AKAP6: variants seen among roughly 807,000 people sequenced by gnomAD.
AKAP6 encodes the protein A-kinase anchor protein 6.
A neutral mutation model predicts 188.5 loss-of-function variants in AKAP6; 58 were observed. The observed-to-expected ratio is 0.31, with a 90% CI of 0.25 to 0.38. The LOEUF is 0.38. Ranked by LOEUF, AKAP6 falls within the 10% of genes least tolerant of loss-of-function variation. The pLI is 1.00. For missense variants in AKAP6, 2,710 were observed against 2,740.0 expected (o/e 0.99, Z 0.24); for synonymous variants, 989 against 998.6 (o/e 0.99, Z 0.18).
At chr14:32,638,891 A>C (rs1047319562) in intron 7 of AKAP6, among the ~76,000 whole-genome samples, 3 of 152,064 alleles carry the variant, frequency 2.0e-5, no homozygotes, top group African/African-American at 7.2e-5. Flanking sequence ...ATAGACTAAA[A>C]TGAGGGAATG....
intron 9 of AKAP6, among the ~76,000 whole-genome samples, chr14:32,725,064 G>A (rs2030800546): frequency 1.4e-5 from 2 of 139,982 alleles, no homozygotes; most frequent in Admixed American, 7.8e-5. Context: ...TTCAGTGTGG[G>A]TTTTTATTTG....
intron 8 of AKAP6, among the ~76,000 whole-genome samples, chr14:32,686,629 G>A (rs971490025): frequency 2.0e-5 from 3 of 152,034 alleles, no homozygotes; most frequent in Admixed American, 2.0e-4. Flanking sequence ...AAAAGTAGAA[G>A]AGGGATATGT....
At chr14:32,804,947 C>A (rs1399390837) in intron 12 of AKAP6, among the ~76,000 whole-genome samples, 7 of 152,186 alleles carry the variant, frequency 4.6e-5, no homozygotes, top group Non-Finnish European at 1.0e-4. Context: ...CACAGGCAGT[C>A]AGACCTTATG....
At chr14:32,476,432 C>T (rs1408911841) in intron 2 of AKAP6, among the ~76,000 whole-genome samples, 1 of 152,156 alleles carries the variant, frequency 6.6e-6, no homozygotes, top group Admixed American at 6.5e-5. Context: ...CATAAGTAAA[C>T]AGCGAAGTAG....
intron 1 of AKAP6, among the ~76,000 whole-genome samples, chr14:32,395,422 C>T (rs927734396): frequency 1.3e-5 from 2 of 152,114 alleles, no homozygotes; most frequent in Non-Finnish European, 2.9e-5. Flanking sequence ...ACATTGCCGT[C>T]TCACTGGGAT....
chr14:32,605,121 C>T (rs189972778), intron 7 of AKAP6, among the ~76,000 whole-genome samples: 86 of 138,288 alleles, frequency 6.2e-4, no homozygotes, highest in African/African-American at 2.3e-3. Context: ...AATGGACAAG[C>T]CTTCATTTTC....
Position 32,696,068 on chromosome 14 carries a change from C to T in AKAP6, c.2958C>T (p.His986=), listed in dbSNP as rs377686848. 1.2e-4 allele frequency: 192 copies of T among 1,612,814 alleles called. No individual in the cohort carries two copies. The highest frequency in any genetic ancestry group is 3.3e-4 in the Middle Eastern group (2 of 5,980). ...TGGAGTCCCTTGTGATGGACAGCCACGACCTGATGATGTCAGAGGAGCAGC... is the reference window on the plus strand; with the variant it reads ...TGGAGTCCCTTGTGATGGACAGCCATGACCTGATGATGTCAGAGGAGCAGC... ...IDMESLVMDS[H]DLMMSEEQQQ... The change falls in exon 9 of 14, where the codon CAC becomes CAT. Residue 986 remains histidine (H), a synonymous_variant. Transcript: ENST00000280979.
chr14:32,500,893 G>C (rs1471530131), intron 2 of AKAP6, among the ~76,000 whole-genome samples: 1 of 151,920 alleles, frequency 6.6e-6, no homozygotes, highest in Non-Finnish European at 1.5e-5. Flanking sequence ...ACCTTAACTG[G>C]GGCAGGTATG....
At chr14:32,602,296 G>C (rs1047008048) in intron 7 of AKAP6, among the ~76,000 whole-genome samples, 13 of 152,102 alleles carry the variant, frequency 8.5e-5, no homozygotes, top group African/African-American at 2.7e-4. Flanking sequence ...AGGAGTTTGA[G>C]ACCAGCCTGG....
At chr14:32,771,238 T>C (rs1566699773) in intron 11 of AKAP6, among the ~76,000 whole-genome samples, 1 of 151,954 alleles carries the variant, frequency 6.6e-6, no homozygotes, top group Non-Finnish European at 1.5e-5. Context: ...ATGTAAAATT[T>C]CCAATTTTCC....
chr14:32,542,641 AG>A (rs1883010457), intron 3 of AKAP6, among the ~76,000 whole-genome samples: 1 of 152,206 alleles, frequency 6.6e-6, no homozygotes, highest in Non-Finnish European at 1.5e-5. Context: ...CTTTCCAGGC[AG>A]GGCAAGCAGC....
At chr14:32,689,358 T>A (rs186500170) in intron 8 of AKAP6, among the ~76,000 whole-genome samples, 3 of 152,272 alleles carry the variant, frequency 2.0e-5, no homozygotes, top group Non-Finnish European at 4.4e-5. Context: ...TAGGTGTTGG[T>A]GGACAGATGG....
intron 3 of AKAP6, among the ~76,000 whole-genome samples, chr14:32,543,902 C>G (rs1227143001): frequency 6.6e-6 from 1 of 152,026 alleles, no homozygotes; most frequent in Admixed American, 6.6e-5. Context: ...TAGTAATCAA[C>G]CATCATCATT....
At chr14:32,628,550 AAAAG>A (rs1265814831) in intron 7 of AKAP6, among the ~76,000 whole-genome samples, 1 of 152,080 alleles carries the variant, frequency 6.6e-6, no homozygotes, top group Non-Finnish European at 1.5e-5. Context: ...TTTAGGGAAA[AAAAG>A]AAAGGAAGGA....
chr14:32,368,545 CAGG>C (rs1194449400), intron 1 of AKAP6, among the ~76,000 whole-genome samples: 2 of 151,366 alleles, frequency 1.3e-5, no homozygotes, highest in African/African-American at 4.9e-5. Context: ...AGGAATTAGG[CAGG>C]AGATTAGGGG....
At chr14:32,806,540 G>A (rs373385053) in intron 12 of AKAP6, among the ~76,000 whole-genome samples, 5 of 152,080 alleles carry the variant, frequency 3.3e-5, no homozygotes, top group Admixed American at 1.3e-4. Context: ...AACCAGGGGC[G>A]CTGGTGTGTG....
chr14:32,738,673 A>G (rs1309528688), intron 11 of AKAP6, among the ~76,000 whole-genome samples: 1 of 152,158 alleles, frequency 6.6e-6, no homozygotes, highest in Admixed American at 6.6e-5. Flanking sequence ...AACCAGCAGC[A>G]GAGACAGAGG....
chr14:32,647,488 A>G (rs765517268), intron 7 of AKAP6, among the ~76,000 whole-genome samples: 2 of 152,114 alleles, frequency 1.3e-5, no homozygotes, highest in Non-Finnish European at 2.9e-5. Context: ...GCCAATGGAT[A>G]CATCCTACCC....
intron 1 of AKAP6, among the ~76,000 whole-genome samples, chr14:32,358,326 A>G (rs1326849888): frequency 1.3e-5 from 2 of 152,240 alleles, no homozygotes; most frequent in Non-Finnish European, 2.9e-5. Flanking sequence ...CTTAGTTCAG[A>G]ACTTGGAATC....
Sources: allele counts gnomAD v4.1 joint callset (sites outside exome capture counted in the v4.1 genomes callset), GRCh38; gene constraint gnomAD v4.1.1; transcripts MANE v1.5; gene names NCBI Gene and HGNC (gene_info 2026-07-23, HGNC 2026-07-21).